Variants in FETUB observed in about 807,000 individuals in gnomAD.
The protein encoded by FETUB is fetuin-B.
A neutral mutation model predicts 30.9 loss-of-function variants in FETUB; 28 were observed. The observed-to-expected ratio is 0.90, with a 90% confidence interval of 0.67 to 1.24. The LOEUF is 1.24. Among genes scored for constraint, FETUB ranks in the 50% most tolerant of loss-of-function variants. The pLI is 0.00. For missense variants in FETUB, 469 were observed against 455.3 expected, an observed-to-expected ratio of 1.03 and a Z score of -0.27; for synonymous variants, 186 against 175.9, an observed-to-expected ratio of 1.06 and a Z score of -0.45.
In FETUB at chr3:186,651,618, T is replaced by G. The variant is rs1718046601; in HGVS notation, c.780+317T>G. On this transcript the variant is annotated intron_variant, in intron 6 of 6. Transcript: ENST00000265029. ...ACCTCAAGCCACAGGGAGAAGTTAT[T>G]TCCATGAAAATATTCAATCCCTTTC... 5 of 330,504 alleles carry G rather than the reference T, an allele frequency of 1.5e-5. No individual in the cohort carries two copies. The Admixed American group carries it at 1.8e-4, about 12-fold the overall frequency. The allele number at this position is 330,504 out of a possible 1,614,324, so 20.5% of individuals were successfully genotyped here.
At chr3:186,652,235 T>G in intron 6 of FETUB, 28 bp from the exon 7 acceptor site, 1 of 1,529,728 alleles carries the variant, frequency 6.5e-7, no homozygotes, top group Non-Finnish European at 8.7e-7. Flanking sequence ...CCTGTGGAAC[T>G]CTACATTCAA....
chr3:186,645,577 C>T (rs1005741283), intron 4 of FETUB, among the ~76,000 whole-genome samples: 4 of 152,104 alleles, frequency 2.6e-5, no homozygotes, highest in African/African-American at 7.2e-5. Context: ...ATCCACCCGC[C>T]TTGGCCTCCC....
At position 186,641,135 on chromosome 3, in the gene FETUB, GA is replaced by G; in HGVS notation, c.333del (p.Glu111AspfsTer13). On this transcript the variant is annotated frameshift_variant, in exon 2 of 7. Transcript: ENST00000265029. LOFTEE classifies it high-confidence loss of function. ...AGACTGTGGAATGAGGATATTTTTT[GA>G]ATCAGTGAGTGCTTGTTTTTATAAA... ...WQDCGMRIFF[E>X]SVYGQCKAIF... 10 of 1,599,384 alleles carry G rather than the reference GA, an allele frequency of 6.3e-6. No homozygotes were observed. Among genetic ancestry groups the G allele is most frequent in the Non-Finnish European group, 7.7e-6 (9 of 1,167,304 alleles).
chr3:186,644,699 G>A, intron 3 of FETUB, 52 bp from the exon 4 acceptor site: 1 of 1,430,702 alleles, frequency 7.0e-7, no homozygotes, highest in Non-Finnish European at 9.6e-7. Context: ...ACAGTCATAT[G>A]ATTTATTGAA....
chr3:186,646,103 G>A (rs1260214069), intron 4 of FETUB, 145 bp from the exon 5 acceptor site: 2 of 626,394 alleles, frequency 3.2e-6, no homozygotes, highest in Non-Finnish European at 5.8e-6. Context: ...TTTGATCAGT[G>A]TGGGGATTTG....
At chr3:186,646,114 C>A (rs982588161) in intron 4 of FETUB, 134 bp from the exon 5 acceptor site, 2 of 640,206 alleles carry the variant, frequency 3.1e-6, no homozygotes, top group East Asian at 5.2e-5. Flanking sequence ...TGGGGATTTG[C>A]GGAACAACAG....
intron 3 of FETUB, 103 bp downstream of exon 3, chr3:186,642,661 C>T (rs1332622832): frequency 2.7e-6 from 2 of 740,578 alleles, no homozygotes; most frequent in Non-Finnish European, 4.7e-6. Context: ...TTCTTATTTT[C>T]TGTTTATTCT....
intron 3 of FETUB, 78 bp from the exon 4 acceptor site, chr3:186,644,673 C>A: frequency 8.6e-7 from 1 of 1,157,544 alleles, no homozygotes; most frequent in Non-Finnish European, 1.2e-6. Flanking sequence ...CTTCCTCACC[C>A]CATCCTTGCC....
upstream of FETUB, among the ~76,000 whole-genome samples, chr3:186,639,437 G>GA (rs1716878529): frequency 6.6e-6 from 1 of 152,102 alleles, no homozygotes; most frequent in Non-Finnish European, 1.5e-5. Flanking sequence ...CTAGGAGTAG[G>GA]GAGAGAGTTA....
intron 2 of FETUB, chr3:186,641,431 A>T: frequency 3.8e-6 from 1 of 262,212 alleles, no homozygotes; most frequent in Non-Finnish European, 7.3e-6. Context: ...CAGTGTTTCA[A>T]TTGTGAGAAA....
At chr3:186,639,541 T>C (rs1202069199), upstream of FETUB, among the ~76,000 whole-genome samples, 2 of 152,066 alleles carry the variant, frequency 1.3e-5, no homozygotes, top group African/African-American at 4.8e-5. Flanking sequence ...GTCTCTTTTC[T>C]CTCATGACAA....
rs569316516 is a variant in FETUB at position 186,640,626 on chromosome 3, A to G, written c.166A>G (p.Arg56Gly). 1 of 1,614,198 alleles carries G rather than the reference A, an allele frequency of 6.2e-7. No homozygotes were observed. The highest frequency in any genetic ancestry group is 2.2e-5 in the East Asian group (1 of 44,884). Residue 56 changes from arginine (R) to glycine (G), a missense_variant, in exon 1 of 7, where the codon AGA becomes GGA. Transcript: ENST00000265029. ...TGCCCTGCGGGATATTAACAAAGAC[A>G]GAAAGGATGGCTATGTGCTGAGACT... Reference protein sequence around the residue: ...GFALRDINKDRKDGYVLRLNR... With the variant: ...GFALRDINKDGKDGYVLRLNR...
chr3:186,642,497 T>G lies in FETUB; in HGVS notation c.363T>G (p.Phe121Leu). 1 of 1,609,588 alleles carries G rather than the reference T, an allele frequency of 6.2e-7. No individual in the cohort carries two copies. The highest frequency in any genetic ancestry group is 8.5e-7 in the Non-Finnish European group (1 of 1,176,328). The change falls in exon 3 of 7, where the codon TTT becomes TTG. Residue 121 changes from phenylalanine to leucine, a missense_variant. Coordinates refer to ENST00000265029, the MANE Select transcript of FETUB (RefSeq NM_014375.3). ...ESVYGQCKAI[F>L]YMNNPSRVLY... is the part of the protein sequence containing the mutation. The stretch of plus-strand genomic sequence containing the variant: ...TTTATGGTCAATGCAAAGCAATATT[T>G]TATATGAACAACCCAAGTAGAGTTC...
At chr3:186,644,311 A>G (rs924465038) in intron 3 of FETUB, among the ~76,000 whole-genome samples, 12 of 152,212 alleles carry the variant, frequency 7.9e-5, no homozygotes, top group Non-Finnish European at 1.8e-4. Context: ...CCATTCACTT[A>G]TCCATTCATT....
At chr3:186,638,267 C>T (rs550619614), upstream of FETUB, among the ~76,000 whole-genome samples, 2 of 152,272 alleles carry the variant, frequency 1.3e-5, no homozygotes, top group Admixed American at 1.3e-4. Flanking sequence ...ATTTAACTTC[C>T]ATGCTGATAC....
chr3:186,650,175 G>GGC (rs1717900372), intron 5 of FETUB, among the ~76,000 whole-genome samples: 1 of 100,682 alleles, frequency 9.9e-6, no homozygotes, highest in African/African-American at 3.5e-5. Flanking sequence ...GGGGGTGGGG[G>GGC]GGGGGGGTAA....
chr3:186,652,625 G>T lies in FETUB; in HGVS notation c.1143G>T (p.Pro381=), dbSNP rs35146472. The change falls in exon 7 of 7, where the codon CCG becomes CCT. Residue 381 remains proline (P), a synonymous_variant. Coordinates refer to ENST00000265029, the MANE Select transcript of FETUB (RefSeq NM_014375.3). ...PAQNASPLVL[P]P ...AGAATGCCAGCCCTCTTGTCCTTCC[G>T]CCATGAGAATCACACAGAGTCTTCT... The T allele has an allele frequency of 6.2e-7, 1 of 1,602,048 alleles. No individual in the cohort carries two copies. Among genetic ancestry groups the T allele is most frequent in the Non-Finnish European group, 8.5e-7 (1 of 1,175,658 alleles).
At chr3:186,641,618 G>C (rs908087599) in intron 2 of FETUB, 8 of 152,810 alleles carry the variant, frequency 5.2e-5, no homozygotes, top group African/African-American at 1.9e-4. Flanking sequence ...GCCGTGTAAG[G>C]ATTTCCTGAA....
intron 4 of FETUB, 34 bp from the exon 5 acceptor site, chr3:186,646,214 T>C: frequency 6.6e-7 from 1 of 1,515,044 alleles, no homozygotes; most frequent in Non-Finnish European, 9.2e-7. Context: ...CAGAAATGTT[T>C]GATTTTTATG....
Sources: gnomAD v4.1 joint callset for allele counts (sites outside exome capture counted in the v4.1 genomes callset) on GRCh38, gnomAD v4.1.1 for gene constraint, MANE v1.5 for transcripts, NCBI Gene and HGNC (gene_info 2026-07-23, HGNC 2026-07-21) for gene names.